The following LZIC variants were observed in gnomAD, a reference collection of about 807,000 sequenced individuals.
The protein encoded by LZIC is protein LZIC.
LZIC carries 28 observed loss-of-function variants against 25.4 expected under a neutral mutation model. The ratio of observed to expected loss-of-function variants is 1.10; its 90% CI spans 0.82 to 1.51. The LOEUF (loss-of-function observed/expected upper bound fraction) is 1.51, where lower values mean the gene tolerates loss of function less well. LZIC is among the 40% of genes most tolerant of loss of function. The probability of loss-of-function intolerance (pLI) is 0.00; values close to 1 mark genes in which losing one functional copy is unlikely to be tolerated. For synonymous variants in LZIC, 65 were observed against 70.7 expected, an observed-to-expected ratio of 0.92 and a Z score of 0.40; for missense variants, 170 against 211.1, an observed-to-expected ratio of 0.81 and a Z score of 1.21.
intron 3 of LZIC, 68 bp downstream of exon 3, chr1:9,936,451 G>T: frequency 1.1e-6 from 1 of 950,728 alleles, no homozygotes; most frequent in South Asian, 1.3e-5. Flanking sequence ...ACATGGGCCT[G>T]CATCCACGGA....
At position 9,942,596 on chromosome 1, in the gene LZIC, G is replaced by A. The variant is rs1480821165; in HGVS notation, c.-9+28C>T. 3.5e-6 allele frequency: 4 copies of A among 1,138,008 alleles called. No individual in the cohort carries two copies. The Admixed American group carries it at 7.4e-5, about 21-fold the overall frequency. The allele number at this position is 1,138,008 out of a possible 1,614,324, so 70.5% of individuals were successfully genotyped here. On this transcript the variant is annotated intron_variant, in intron 2 of 7. Transcript: ENST00000377223. ...GAAACCGCTCTCAGACACTATATCTGGAGCGGAGGGTCCTCATTCATGCTC... is the reference window on the plus strand; with the variant it reads ...GAAACCGCTCTCAGACACTATATCTAGAGCGGAGGGTCCTCATTCATGCTC...
At chr1:9,933,921 CA>C (rs372752303) in intron 5 of LZIC, among the ~76,000 whole-genome samples, 2,554 of 20,042 alleles carry the variant, frequency 0.13, 47 homozygotes, top group Non-Finnish European at 0.2. Context: ...ACAACAACAA[CA>C]AAAAAACAAA....
chr1:9,938,965 C>A (rs1003890443), intron 2 of LZIC, among the ~76,000 whole-genome samples: 4 of 152,068 alleles, frequency 2.6e-5, no homozygotes, highest in African/African-American at 9.7e-5. Context: ...ATTTATTGAT[C>A]CAGGAGAATT....
rs145269684 is a variant in LZIC, at chr1:9,934,970, T to C, written c.238-110A>G. 2.0e-5 allele frequency: 16 copies of C among 812,774 alleles called. No individual in the cohort carries two copies. In the African/African-American group the frequency reaches 2.0e-4, roughly 10 times the overall value. 50.3% of individuals were successfully genotyped at this position (812,774 alleles called of 1,614,324 possible). A position where few individuals can be genotyped will look rare whatever the true frequency, so the allele number is the denominator to read the frequency against. On this transcript the variant is annotated intron_variant, in intron 4 of 7. Transcript: ENST00000377223. ...TATCAAGGTTTACTGGTTCCTGTCATGGAAGCAATTACACAACTAAATGAA... is the reference window on the plus strand; with the variant it reads ...TATCAAGGTTTACTGGTTCCTGTCACGGAAGCAATTACACAACTAAATGAA...
intron 3 of LZIC, 50 bp downstream of exon 3, chr1:9,936,469 G>A (rs1391706301): frequency 1.6e-6 from 2 of 1,235,690 alleles, no homozygotes; most frequent in South Asian, 1.2e-5. Flanking sequence ...GGAGCTAGCT[G>A]CAGAAAAAAC....
chr1:9,923,577 T>C (rs1639911990), downstream of LZIC, among the ~76,000 whole-genome samples: 1 of 138,222 alleles, frequency 7.2e-6, no homozygotes, highest in Non-Finnish European at 1.5e-5. Context: ...ATGCCTAGGC[T>C]GGACTAGAAC....
In LZIC at chr1:9,929,258, C is replaced by T; in HGVS notation, c.*1141G>A. ...TCTAATCTGTCTGGTTGGCAAAGCA[C>T]CTAGTAGTTTACAGTACAGAAGAAG... On this transcript the variant is annotated 3_prime_UTR_variant, in exon 8 of 8. Coordinates refer to ENST00000377223, the MANE Select transcript of LZIC (RefSeq NM_032368.5). The T allele has an allele frequency of 2.1e-6, 2 of 965,024 alleles. No homozygotes were observed. The highest frequency in any genetic ancestry group is 2.5e-6 in the Non-Finnish European group (2 of 811,362). 59.8% of individuals were successfully genotyped at this position (965,024 alleles called of 1,614,324 possible). A position where few individuals can be genotyped will look rare whatever the true frequency, so the allele number is the denominator to read the frequency against.
intron 5 of LZIC, among the ~76,000 whole-genome samples, chr1:9,933,273 AAAAAAAAAAAAT>A: frequency 7.0e-6 from 1 of 143,428 alleles, no homozygotes; most frequent in African/African-American, 2.5e-5. Context: ...AAAAAAAAAA[AAAAAAAAAAAAT>A]ATATATATAT....
chr1:9,935,757 G>C lies in LZIC; in HGVS notation c.102-130C>G, dbSNP rs909466331. 1.5e-5 allele frequency: 12 copies of C among 800,606 alleles called. No homozygotes were observed. The Admixed American group carries it at 2.2e-4, about 15-fold the overall frequency. 49.6% of individuals were successfully genotyped at this position (800,606 alleles called of 1,614,324 possible). On this transcript the variant is annotated intron_variant, in intron 3 of 7. Coordinates refer to ENST00000377223, the MANE Select transcript of LZIC (RefSeq NM_032368.5). ...TGCTGATGGTGAATGTGTTCACATAGTAGTAGTGAGGGCATTTTCCTGCAA... is the reference window on the plus strand; with the variant it reads ...TGCTGATGGTGAATGTGTTCACATACTAGTAGTGAGGGCATTTTCCTGCAA...
downstream of LZIC, among the ~76,000 whole-genome samples, chr1:9,925,818 G>A (rs188088313): frequency 6.7e-6 from 1 of 149,250 alleles, no homozygotes. Flanking sequence ...TTGAACTCCT[G>A]ACCTTGTGAT....
At position 9,934,768 on chromosome 1, in the gene LZIC, T is replaced by C; in HGVS notation, c.330A>G (p.Leu110=). The C allele has an allele frequency of 3.1e-6, 5 of 1,613,648 alleles. No individual in the cohort carries two copies. Among genetic ancestry groups the C allele is most frequent in the Non-Finnish European group, 4.2e-6 (5 of 1,179,554 alleles). ...KKQPGQLRTR[L]AEMDRDLMVG... is the part of the protein sequence containing the mutation. The stretch of plus-strand genomic sequence containing the variant: ...CAATTTAAAGAAATTTTACCTCTGC[T>C]AACCTTGTCCGAAGCTGACCTGGTT... Residue 110 remains leucine (L), a synonymous_variant, in exon 5 of 8, where the codon TTA becomes TTG. Transcript: ENST00000377223.
At chr1:9,943,160 G>C (rs1295433371) in intron 1 of LZIC, 89 bp downstream of exon 1, 2 of 176,902 alleles carry the variant, frequency 1.1e-5, no homozygotes, top group Non-Finnish European at 2.5e-5. Flanking sequence ...CCGGCACGTA[G>C]GTCCCGCGGC....
At chr1:9,939,541 CCT>C (rs1491531473) in intron 2 of LZIC, among the ~76,000 whole-genome samples, 1 of 22,262 alleles carries the variant, frequency 4.5e-5, no homozygotes, top group African/African-American at 8.1e-5. Context: ...ACCACATCTG[CCT>C]TTTTTTTTTT....
rs1423946919 is a variant in LZIC, at chr1:9,929,591, C to T, written c.*808G>A. On this transcript the variant is annotated 3_prime_UTR_variant, in exon 8 of 8. Coordinates refer to ENST00000377223, the MANE Select transcript of LZIC (RefSeq NM_032368.5). Reference sequence around the variant, plus strand: ...TGCCATTTCCTGTTGCTTCCCTGGTCAAACAACGCAGGCGGCTAAGTCACT... The same window carrying T: ...TGCCATTTCCTGTTGCTTCCCTGGTTAAACAACGCAGGCGGCTAAGTCACT... 2 of 985,270 alleles carry T rather than the reference C, an allele frequency of 2.0e-6. No homozygotes were observed. The highest frequency in any genetic ancestry group is 2.3e-4 in the East Asian group (2 of 8,822). The allele number at this position is 985,270 out of a possible 1,614,324, so 61.0% of individuals were successfully genotyped here.
chr1:9,931,860 G>T lies in LZIC; in HGVS notation c.514+31C>A. On this transcript the variant is annotated intron_variant, in intron 7 of 7. Transcript: ENST00000377223. ...TATGTAATATATGACAGTAGTATAC[G>T]ACCAGCTTTCAGAAATATGAGGGCA... The T allele has an allele frequency of 4.1e-6, 6 of 1,472,850 alleles. No individual in the cohort carries two copies. In the South Asian group the frequency reaches 5.8e-5, roughly 14 times the overall value. The allele number at this position is 1,472,850 out of a possible 1,614,324, so 91.2% of individuals were successfully genotyped here.
chr1:9,937,208 A>T (rs1183572527), intron 2 of LZIC, among the ~76,000 whole-genome samples: 5 of 152,106 alleles, frequency 3.3e-5, no homozygotes, highest in Admixed American at 2.6e-4. Context: ...CCCGGCTAAC[A>T]CGGTGAAACC....
chr1:9,940,215 C>T (rs893708519), intron 2 of LZIC, among the ~76,000 whole-genome samples: 18 of 151,592 alleles, frequency 1.2e-4, no homozygotes, highest in Non-Finnish European at 2.6e-4. Context: ...CTTGCTCTGT[C>T]GCCCAGGCTG....
At chr1:9,939,542 C>CTTTTTTTTTTTTTT (rs34837155) in intron 2 of LZIC, among the ~76,000 whole-genome samples, 9 of 81,960 alleles carry the variant, frequency 1.1e-4, no homozygotes, top group East Asian at 3.9e-4. Flanking sequence ...CCACATCTGC[C>CTTTTTTTTTTTTTT]TTTTTTTTTT....
intron 2 of LZIC, among the ~76,000 whole-genome samples, chr1:9,939,392 G>A (rs1380514007): frequency 1.1e-5 from 1 of 93,694 alleles, no homozygotes; most frequent in East Asian, 3.2e-4. Context: ...TTGACACAGA[G>A]TATCGCTCTG....
Sources: allele counts gnomAD v4.1 joint callset (sites outside exome capture counted in the v4.1 genomes callset), GRCh38; gene constraint gnomAD v4.1.1; transcripts MANE v1.5; gene names NCBI Gene and HGNC (gene_info 2026-07-23, HGNC 2026-07-21).